TBC1D9: variants seen among roughly 807,000 people sequenced by gnomAD.
The protein encoded by TBC1D9 is TBC1 domain family member 9A.
In TBC1D9, 63 loss-of-function variants were observed where a neutral mutation model predicts 132.0. The ratio of observed to expected loss-of-function variants is 0.48; its 90% CI spans 0.39 to 0.59. TBC1D9 has a LOEUF of 0.59. Among genes scored for constraint, TBC1D9 ranks in the 20% least tolerant of loss-of-function variants. The probability of loss-of-function intolerance (pLI) is 0.00; values close to 1 mark genes in which losing one functional copy is unlikely to be tolerated. For synonymous variants in TBC1D9, 610 were observed against 609.9 expected, an observed-to-expected ratio of 1.00 and a Z score of 0.00; for missense variants, 1,261 against 1,592.7, an observed-to-expected ratio of 0.79 and a Z score of 3.54.
chr4:140,755,863 G>A, intron 1 of TBC1D9, 53 bp downstream of exon 1: 1 of 1,482,220 alleles, frequency 6.7e-7, no homozygotes, highest in South Asian at 1.3e-5. Flanking sequence ...GGCCGCGGGC[G>A]GCGCCGCAGC....
chr4:140,664,008 T>C (rs962777481), intron 9 of TBC1D9, among the ~76,000 whole-genome samples: 8 of 143,820 alleles, frequency 5.6e-5, no homozygotes, highest in African/African-American at 2.1e-4. Flanking sequence ...AGAGGGTAGA[T>C]CTTAAGTGTT....
chr4:140,735,780 A>T (rs1174750238), intron 1 of TBC1D9, among the ~76,000 whole-genome samples: 1 of 152,236 alleles, frequency 6.6e-6, no homozygotes, highest in Non-Finnish European at 1.5e-5. Flanking sequence ...GAATAGCAAG[A>T]CCTACTGTGG....
At chr4:140,652,603 T>G (rs1301373589) in intron 13 of TBC1D9, among the ~76,000 whole-genome samples, 2 of 152,220 alleles carry the variant, frequency 1.3e-5, no homozygotes, top group Non-Finnish European at 2.9e-5. Context: ...AGCTCTTCCT[T>G]GGATACTGGC....
chr4:140,632,758 C>A (rs892239447), intron 16 of TBC1D9, among the ~76,000 whole-genome samples: 4 of 152,178 alleles, frequency 2.6e-5, no homozygotes, highest in Admixed American at 6.5e-5. Context: ...AAACTTTATA[C>A]TTGCATGCCC....
At chr4:140,745,974 G>A (rs1007488676) in intron 1 of TBC1D9, among the ~76,000 whole-genome samples, 4 of 152,174 alleles carry the variant, frequency 2.6e-5, no homozygotes, top group African/African-American at 9.7e-5. Flanking sequence ...AAAATGGAAA[G>A]TCTCCCTAGT....
Position 140,725,284 on chromosome 4 carries a change from G to A in TBC1D9, c.131-23670C>T, listed in dbSNP as rs78962570. Among the ~76,000 whole-genome samples, 1,387 of 152,216 alleles carry A rather than the reference G, an allele frequency of 9.1e-3. 12 individuals carry two copies. Among genetic ancestry groups the A allele is most frequent in the East Asian group, 0.048 (251 of 5,180 alleles). On this transcript the variant is annotated intron_variant, in intron 1 of 20. Transcript: ENST00000442267. ...GATACAGAAAGATATACCATTGTAC[G>A]GTAGATGAACCTGACAGCAATAACT...
chr4:140,714,607 A>G (rs1738302103), intron 1 of TBC1D9, among the ~76,000 whole-genome samples: 1 of 152,210 alleles, frequency 6.6e-6, no homozygotes. Context: ...AGACCTTTAC[A>G]AGGTGCTAAG....
At chr4:140,713,051 T>C (rs528532783) in intron 1 of TBC1D9, among the ~76,000 whole-genome samples, 17 of 152,174 alleles carry the variant, frequency 1.1e-4, no homozygotes, top group Non-Finnish European at 2.4e-4. Flanking sequence ...TCTAAAGACA[T>C]AGGTGATTAA....
intron 2 of TBC1D9, among the ~76,000 whole-genome samples, chr4:140,688,948 A>T (rs1327239070): frequency 1.1e-4 from 16 of 152,086 alleles, no homozygotes; most frequent in Non-Finnish European, 1.0e-4. Context: ...CACCATCACC[A>T]GCTGTGACAT....
In TBC1D9 at chr4:140,653,906, G is replaced by A. The variant is rs141851131; in HGVS notation, c.2337+3191C>T. Among the ~76,000 whole-genome samples the A allele has an allele frequency of 1.7e-3, 257 of 152,334 alleles. 1 individual carries two copies. The highest frequency in any genetic ancestry group is 5.8e-3 in the African/African-American group (241 of 41,572). On this transcript the variant is annotated intron_variant, in intron 13 of 20. Coordinates refer to ENST00000442267, the MANE Select transcript of TBC1D9 (RefSeq NM_015130.3). ...CCATTAGGGATCAGCCCAAGAAGACGTAAATGGAAATCAGCTGTTGGCCTT... is the reference window on the plus strand; with the variant it reads ...CCATTAGGGATCAGCCCAAGAAGACATAAATGGAAATCAGCTGTTGGCCTT...
At chr4:140,727,149 C>T (rs1738514562) in intron 1 of TBC1D9, among the ~76,000 whole-genome samples, 1 of 152,090 alleles carries the variant, frequency 6.6e-6, no homozygotes, top group African/African-American at 2.4e-5. Context: ...TATACAGATC[C>T]CCAGCAGTTC....
At chr4:140,624,088 G>A (rs1374901092) in intron 20 of TBC1D9, 28 bp downstream of exon 20, 9 of 1,543,438 alleles carry the variant, frequency 5.8e-6, no homozygotes, top group Non-Finnish European at 8.0e-6. Context: ...CAGGTTTGAA[G>A]CGAATGATTT....
At position 140,622,763 on chromosome 4, in the gene TBC1D9, C is replaced by A; in HGVS notation, c.3233G>T (p.Gly1078Val). 6.2e-7 allele frequency: 1 copy of A among 1,605,184 alleles called. No individual in the cohort carries two copies. The highest frequency in any genetic ancestry group is 8.5e-7 in the Non-Finnish European group (1 of 1,179,624). ...KLFVAQPAKE[G>V]GSGGSGPSCH... is the part of the protein sequence containing the mutation. ...GGACGGCCCACTGCCTCCGCTCCCG[C>A]CCTCCTTTGCAGGCTGGGCCACGAA... The change falls in exon 21 of 21, where the codon GGC becomes GTC. Residue 1078 changes from glycine (G) to valine (V), a missense_variant. By Grantham distance (109) the Gly-to-Val change is moderately radical. Coordinates refer to ENST00000442267, the MANE Select transcript of TBC1D9 (RefSeq NM_015130.3).
intron 1 of TBC1D9, among the ~76,000 whole-genome samples, chr4:140,750,689 A>ATACT (rs1172886744): frequency 6.6e-6 from 1 of 152,120 alleles, no homozygotes; most frequent in African/African-American, 2.4e-5. Context: ...AGAAGACTTG[A>ATACT]TACTATAAAG....
At position 140,754,614 on chromosome 4, in the gene TBC1D9, C is replaced by CAAAAAAAAAAAAAAAAAAAAA. The variant is rs34471976; in HGVS notation, c.130+1281_130+1301dup. On this transcript the variant is annotated intron_variant, in intron 1 of 20. Transcript: ENST00000442267. ...TGGGCGACAAAGCAGGACTCTGTCT[C>CAAAAAAAAAAAAAAAAAAAAA]AAAAAAAAAAAAAAAAAAAAAAAAA... Among the ~76,000 whole-genome samples, 2 of 23,264 alleles carry CAAAAAAAAAAAAAAAAAAAAA rather than the reference C, an allele frequency of 8.6e-5. 1 individual carries two copies. Among genetic ancestry groups the CAAAAAAAAAAAAAAAAAAAAA allele is most frequent in the Non-Finnish European group, 1.4e-4 (2 of 13,884 alleles). The allele number at this position is 23,264 out of a possible 152,430, so 15.3% of individuals were successfully genotyped here.
At chr4:140,654,685 T>C (rs999896878) in intron 13 of TBC1D9, among the ~76,000 whole-genome samples, 2 of 152,196 alleles carry the variant, frequency 1.3e-5, no homozygotes, top group African/African-American at 4.8e-5. Context: ...TTTAAATGCA[T>C]ATGGAAATAG....
intron 16 of TBC1D9, among the ~76,000 whole-genome samples, chr4:140,631,326 G>A (rs1013575582): frequency 7.9e-5 from 12 of 151,948 alleles, no homozygotes; most frequent in African/African-American, 2.4e-4. Context: ...GGGTTCAAGC[G>A]ATTCTCCTGC....
intron 1 of TBC1D9, among the ~76,000 whole-genome samples, chr4:140,733,430 C>T (rs1245646142): frequency 1.3e-5 from 2 of 152,072 alleles, no homozygotes; most frequent in African/African-American, 4.8e-5. Flanking sequence ...TTTTCTACAC[C>T]CTTCAGGTTT....
intron 13 of TBC1D9, chr4:140,644,871 C>T: frequency 4.6e-6 from 2 of 432,552 alleles, no homozygotes; most frequent in East Asian, 5.9e-5. Flanking sequence ...ACTGGGAGTC[C>T]CTGACAAACT....
Sources: gnomAD v4.1 joint callset for allele counts (sites outside exome capture counted in the v4.1 genomes callset) on GRCh38, gnomAD v4.1.1 for gene constraint, MANE v1.5 for transcripts, NCBI Gene and HGNC (gene_info 2026-07-23, HGNC 2026-07-21) for gene names.